Variants in BRINP2 observed in about 807,000 individuals in gnomAD.
BRINP2 encodes BMP/retinoic acid-inducible neural-specific protein 2.
BRINP2 carries 21 observed loss-of-function variants against 69.2 expected under a neutral mutation model. That is an observed-to-expected ratio of 0.30 (90% CI 0.22 to 0.44). The LOEUF (loss-of-function observed/expected upper bound fraction) is 0.44, where lower values mean the gene tolerates loss of function less well. BRINP2 is among the 20% of genes least tolerant of loss of function. BRINP2 has a pLI of 1.00. For synonymous variants in BRINP2, 380 were observed against 394.1 expected (o/e 0.96, Z 0.42); for missense variants, 877 against 986.0 (o/e 0.89, Z 1.48).
At chr1:177,230,307 T>C (rs1009409968) in intron 2 of BRINP2, among the ~76,000 whole-genome samples, 162 bp downstream of exon 2, 1 of 151,890 alleles carries the variant, frequency 6.6e-6, no homozygotes, top group Non-Finnish European at 1.5e-5. Flanking sequence ...AAGCCTACCA[T>C]GTTAGTTTTT....
intron 1 of BRINP2, among the ~76,000 whole-genome samples, chr1:177,172,304 A>T (rs1647959867): frequency 6.6e-6 from 1 of 152,196 alleles, no homozygotes; most frequent in Non-Finnish European, 1.5e-5. Context: ...AGCCCCATTG[A>T]TTGACTTGAG....
At chr1:177,233,611 A>G (rs1320231426) in intron 2 of BRINP2, among the ~76,000 whole-genome samples, 1 of 152,170 alleles carries the variant, frequency 6.6e-6, no homozygotes, top group Non-Finnish European at 1.5e-5. Context: ...TTTCCTTTTT[A>G]AAGCACGTTA....
intron 1 of BRINP2, among the ~76,000 whole-genome samples, chr1:177,215,489 G>T (rs1184720635): frequency 3.9e-5 from 6 of 151,974 alleles, no homozygotes; most frequent in African/African-American, 1.4e-4. Context: ...TCCTTTTTTA[G>T]AAATTCTGTT....
At chr1:177,258,821 G>A (rs923266826) in intron 4 of BRINP2, among the ~76,000 whole-genome samples, 4 of 152,184 alleles carry the variant, frequency 2.6e-5, no homozygotes, top group East Asian at 3.9e-4. Flanking sequence ...AACAAACTTC[G>A]TCAATAAATG....
intron 7 of BRINP2, among the ~76,000 whole-genome samples, chr1:177,279,366 T>A (rs1226738811): frequency 6.6e-6 from 1 of 152,180 alleles, no homozygotes; most frequent in African/African-American, 2.4e-5. Flanking sequence ...ACATAAAAAC[T>A]AGAAAATTAT....
chr1:177,203,018 A>T (rs1648967045), intron 1 of BRINP2, among the ~76,000 whole-genome samples: 1 of 152,152 alleles, frequency 6.6e-6, no homozygotes, highest in South Asian at 2.1e-4. Context: ...CTATAAAGAC[A>T]CATGCACACG....
intron 1 of BRINP2, among the ~76,000 whole-genome samples, chr1:177,205,189 G>T (rs1649037654): frequency 6.6e-6 from 1 of 152,058 alleles, no homozygotes; most frequent in African/African-American, 2.4e-5. Context: ...TGTCTTCCAG[G>T]CTGGAGTGCA....
chr1:177,250,100 G>A (rs1253964975), intron 2 of BRINP2, among the ~76,000 whole-genome samples: 1 of 149,760 alleles, frequency 6.7e-6, no homozygotes, highest in African/African-American at 2.4e-5. Flanking sequence ...TTTTGAGACA[G>A]GGGTCTTGCT....
chr1:177,174,772 G>T (rs369743837), intron 1 of BRINP2, among the ~76,000 whole-genome samples: 5 of 152,166 alleles, frequency 3.3e-5, no homozygotes, highest in African/African-American at 1.2e-4. Flanking sequence ...CCATACACCT[G>T]GTTAAATTAT....
intron 1 of BRINP2, among the ~76,000 whole-genome samples, chr1:177,174,534 G>A (rs1307848627): frequency 2.6e-5 from 4 of 152,180 alleles, no homozygotes; most frequent in Non-Finnish European, 4.4e-5. Flanking sequence ...GTTCATCTGC[G>A]ATTGATTCGT....
intron 1 of BRINP2, among the ~76,000 whole-genome samples, chr1:177,210,015 T>C (rs1312215822): frequency 2.0e-5 from 3 of 152,200 alleles, no homozygotes; most frequent in Non-Finnish European, 4.4e-5. Flanking sequence ...TAATTCATTC[T>C]GTGGTGTAGA....
At chr1:177,258,754 C>A (rs1650849983) in intron 4 of BRINP2, among the ~76,000 whole-genome samples, 1 of 152,116 alleles carries the variant, frequency 6.6e-6, no homozygotes, top group Non-Finnish European at 1.5e-5. Flanking sequence ...GATATGTGAC[C>A]TTTAATGTCA....
At chr1:177,209,372 G>A (rs998121300) in intron 1 of BRINP2, among the ~76,000 whole-genome samples, 13 of 152,154 alleles carry the variant, frequency 8.5e-5, no homozygotes, top group African/African-American at 3.1e-4. Flanking sequence ...CAGCTCATTA[G>A]GGCAGAGAGT....
rs983778043 is a variant in BRINP2 at position 177,171,302 on chromosome 1, AC to A, written c.-506del. Among the ~76,000 whole-genome samples, 8 of 152,142 alleles carry A rather than the reference AC, an allele frequency of 5.3e-5. No individual in the cohort carries two copies. Among genetic ancestry groups the A allele is most frequent in the Admixed American group, 6.5e-5 (1 of 15,282 alleles). ...TCTTGGGTTTCTCCTCGGCGGAGGG[AC>A]AGGGGACTCCCCCAGTTGGGTCTTG... On this transcript the variant is annotated 5_prime_UTR_variant, in exon 1 of 8. Coordinates refer to ENST00000361539, the MANE Select transcript of BRINP2 (RefSeq NM_021165.4).
intron 1 of BRINP2, among the ~76,000 whole-genome samples, chr1:177,223,049 C>T (rs1233362201): frequency 6.6e-6 from 1 of 152,202 alleles, no homozygotes; most frequent in South Asian, 2.1e-4. Flanking sequence ...TGCTAGTGAT[C>T]CCCCTGACTG....
rs558791459 is a variant in BRINP2 at position 177,178,323 on chromosome 1, A to G, written c.-77+6591A>G. ...AGTGACTCCCCACTATTGTCAAAAT[A>G]ACAATTGCTTAGCATAACAAACAGG... On this transcript the variant is annotated intron_variant, in intron 1 of 7. Transcript: ENST00000361539. 8.5e-5 allele frequency among the ~76,000 whole-genome samples: 13 copies of G among 152,330 alleles called. No individual in the cohort carries two copies. The South Asian group carries it at 2.5e-3, about 29-fold the overall frequency.
intron 1 of BRINP2, among the ~76,000 whole-genome samples, chr1:177,206,024 C>T (rs1222069619): frequency 6.6e-6 from 1 of 152,208 alleles, no homozygotes; most frequent in Non-Finnish European, 1.5e-5. Context: ...TCTTGGCTCA[C>T]TCTCTCTGGG....
intron 1 of BRINP2, 56 bp downstream of exon 1, chr1:177,171,788 T>A (rs986700056): frequency 2.0e-5 from 3 of 152,234 alleles, no homozygotes; most frequent in African/African-American, 7.2e-5. Context: ...CTTTTTGGTG[T>A]GTCCGTTGGT....
At chr1:177,274,582 G>T (rs986372602) in intron 5 of BRINP2, among the ~76,000 whole-genome samples, 2 of 152,214 alleles carry the variant, frequency 1.3e-5, no homozygotes, top group Admixed American at 6.5e-5. Context: ...CTGGAAAGTA[G>T]CAGTGAGTGA....
Sources: gnomAD v4.1 joint callset for allele counts (sites outside exome capture counted in the v4.1 genomes callset) on GRCh38, gnomAD v4.1.1 for gene constraint, MANE v1.5 for transcripts, NCBI Gene and HGNC (gene_info 2026-07-23, HGNC 2026-07-21) for gene names.